The following KCNH8 variants were observed in gnomAD, a reference collection of about 807,000 sequenced individuals.
The protein encoded by KCNH8 is voltage-gated delayed rectifier potassium channel KCNH8.
KCNH8 carries 70 observed loss-of-function variants against 103.6 expected under a neutral mutation model. The observed-to-expected ratio is 0.68, with a 90% CI of 0.56 to 0.82. The LOEUF (loss-of-function observed/expected upper bound fraction) is 0.82. KCNH8 is among the 40% of genes least tolerant of loss of function. KCNH8 has a pLI of 0.00. For synonymous variants in KCNH8, 498 were observed against 489.4 expected, an observed-to-expected ratio of 1.02 and a Z score of -0.23; for missense variants, 1,217 against 1,329.9, an observed-to-expected ratio of 0.92 and a Z score of 1.32.
intron 6 of KCNH8, among the ~76,000 whole-genome samples, chr3:19,394,488 A>G (rs191976008): frequency 0.01 from 1,040 of 101,118 alleles, 14 homozygotes; most frequent in African/African-American, 0.029. Flanking sequence ...AGAGAGAGAA[A>G]GAGAGAGAGA....
chr3:19,497,008 G>A (rs995529965), intron 11 of KCNH8, among the ~76,000 whole-genome samples: 4 of 151,332 alleles, frequency 2.6e-5, no homozygotes, highest in Admixed American at 1.3e-4. Flanking sequence ...GAATTTATCA[G>A]TTTCTTCTAG....
chr3:19,528,771 T>C (rs2069108735), intron 15 of KCNH8, among the ~76,000 whole-genome samples: 1 of 152,088 alleles, frequency 6.6e-6, no homozygotes, highest in African/African-American at 2.4e-5. Flanking sequence ...GGAGGTATTG[T>C]ATTTATTTTT....
At chr3:19,205,316 C>T (rs896652105) in intron 1 of KCNH8, among the ~76,000 whole-genome samples, 2 of 151,964 alleles carry the variant, frequency 1.3e-5, no homozygotes, top group Non-Finnish European at 2.9e-5. Flanking sequence ...AGCTAGATTT[C>T]TGCTTATATT....
intron 5 of KCNH8, among the ~76,000 whole-genome samples, chr3:19,378,995 TA>T (rs1247310980): frequency 6.6e-6 from 1 of 152,180 alleles, no homozygotes; most frequent in Non-Finnish European, 1.5e-5. Context: ...CAAGGGCAAG[TA>T]ATTTACATGT....
chr3:19,397,194 G>C (rs1226590459), intron 7 of KCNH8, among the ~76,000 whole-genome samples: 2 of 151,738 alleles, frequency 1.3e-5, no homozygotes, highest in Non-Finnish European at 2.9e-5. Flanking sequence ...CTTGGTCCTT[G>C]TATTATGGTT....
intron 15 of KCNH8, among the ~76,000 whole-genome samples, chr3:19,532,256 C>A (rs1029956524): frequency 2.0e-5 from 3 of 152,176 alleles, no homozygotes; most frequent in Non-Finnish European, 1.5e-5. Flanking sequence ...ACCTAGAAAA[C>A]TGAATAAAGT....
At chr3:19,510,001 G>GA (rs61218242) in intron 11 of KCNH8, among the ~76,000 whole-genome samples, 2 of 20,124 alleles carry the variant, frequency 9.9e-5, no homozygotes, top group South Asian at 9.7e-4. Context: ...GGAGATAGAG[G>GA]AAAAAAAAAA....
chr3:19,418,986 C>G (rs1473494979), intron 7 of KCNH8, among the ~76,000 whole-genome samples: 1 of 151,906 alleles, frequency 6.6e-6, no homozygotes, highest in Admixed American at 6.6e-5. Context: ...AATACATTCC[C>G]CATATGAGAT....
intron 7 of KCNH8, among the ~76,000 whole-genome samples, chr3:19,419,594 A>AT (rs1000895246): frequency 2.0e-5 from 3 of 151,924 alleles, no homozygotes; most frequent in Admixed American, 6.6e-5. Flanking sequence ...GAGTCTTTGG[A>AT]TTTTTTGTTA....
chr3:19,161,003 TAA>T (rs1194894284), intron 1 of KCNH8, among the ~76,000 whole-genome samples: 1 of 151,940 alleles, frequency 6.6e-6, no homozygotes, highest in Admixed American at 6.6e-5. Context: ...TTCCTTTAAG[TAA>T]AAGAGTGAGA....
At position 19,258,905 on chromosome 3, in the gene KCNH8, T is replaced by TTC. The variant is rs755488116; in HGVS notation, c.310+5060_310+5061dup. Among the ~76,000 whole-genome samples, 256 of 43,040 alleles carry TTC rather than the reference T, an allele frequency of 5.9e-3. 5 individuals carry two copies. The highest frequency in any genetic ancestry group is 8.6e-3 in the East Asian group (12 of 1,398). 28.2% of individuals were successfully genotyped at this position (43,040 alleles called of 152,430 possible). A position where few individuals can be genotyped will look rare whatever the true frequency, so the allele number is the denominator to read the frequency against. On this transcript the variant is annotated intron_variant, in intron 2 of 15. Transcript: ENST00000328405. ...AAATAACTTCATTTTTATTTTCTGT[T>TTC]TCTCTCTCTCTCTCTCTCTCTCTCT... is the stretch of plus-strand genomic sequence containing the variant.
chr3:19,436,523 T>C (rs945032886), intron 7 of KCNH8, among the ~76,000 whole-genome samples: 1 of 152,246 alleles, frequency 6.6e-6, no homozygotes, highest in African/African-American at 2.4e-5. Flanking sequence ...GGATGTTACC[T>C]CCTTTCTGTG....
chr3:19,327,092 G>A (rs2065434361), intron 3 of KCNH8, among the ~76,000 whole-genome samples: 1 of 152,072 alleles, frequency 6.6e-6, no homozygotes, highest in Non-Finnish European at 1.5e-5. Flanking sequence ...TTACATAATG[G>A]TTGGATCTCA....
chr3:19,148,621 C>A lies in KCNH8; in HGVS notation c.-99C>A. ...CGCCGTCAGGCCGGGTCCCCCTTCC[C>A]TGCCGTCATCAGGTTCCCCTTCTCC... On this transcript the variant is annotated 5_prime_UTR_variant, in exon 1 of 16. It adds an upstream start codon to the 5' untranslated region. Transcript: ENST00000328405. 8.4e-7 allele frequency: 1 copy of A among 1,187,036 alleles called. No homozygotes were observed. The highest frequency in any genetic ancestry group is 1.2e-5 in the South Asian group (1 of 82,428). The allele number at this position is 1,187,036 out of a possible 1,614,324, so 73.5% of individuals were successfully genotyped here. A position where few individuals can be genotyped will look rare whatever the true frequency, so the allele number is the denominator to read the frequency against.
At chr3:19,476,922 T>A (rs563848024) in intron 11 of KCNH8, among the ~76,000 whole-genome samples, 2 of 152,230 alleles carry the variant, frequency 1.3e-5, no homozygotes, top group South Asian at 4.1e-4. Flanking sequence ...CATTCTTGAG[T>A]TGATTTGTAT....
chr3:19,299,719 A>T (rs1396430821), intron 3 of KCNH8, among the ~76,000 whole-genome samples: 1 of 152,066 alleles, frequency 6.6e-6, no homozygotes, highest in Non-Finnish European at 1.5e-5. Flanking sequence ...TAATTTTTCT[A>T]TTCTAATATT....
intron 1 of KCNH8, among the ~76,000 whole-genome samples, chr3:19,235,790 T>C (rs1014471201): frequency 1.3e-5 from 2 of 152,176 alleles, no homozygotes; most frequent in African/African-American, 4.8e-5. Flanking sequence ...AGGTTCTGAG[T>C]GAAAGACATC....
At chr3:19,287,453 A>G (rs2064847453) in intron 3 of KCNH8, among the ~76,000 whole-genome samples, 1 of 152,204 alleles carries the variant, frequency 6.6e-6, no homozygotes, top group Non-Finnish European at 1.5e-5. Flanking sequence ...GGGCCATCAC[A>G]TTATTAAAAT....
intron 11 of KCNH8, among the ~76,000 whole-genome samples, chr3:19,497,397 C>T (rs1314666544): frequency 6.6e-6 from 1 of 152,114 alleles, no homozygotes; most frequent in Non-Finnish European, 1.5e-5. Flanking sequence ...CATAAACTTC[C>T]TCTTAACACC....
Sources: gnomAD v4.1 joint callset for allele counts (sites outside exome capture counted in the v4.1 genomes callset) on GRCh38, gnomAD v4.1.1 for gene constraint, MANE v1.5 for transcripts, NCBI Gene and HGNC (gene_info 2026-07-23, HGNC 2026-07-21) for gene names.